The following SH3PXD2A variants were observed in gnomAD, a reference collection of about 807,000 sequenced individuals.
SH3PXD2A encodes the protein SH3 and PX domains 2A.
In SH3PXD2A, 32 loss-of-function variants were observed where a neutral mutation model predicts 115.2. That is an observed-to-expected ratio of 0.28 (90% CI 0.21 to 0.37). The LOEUF (loss-of-function observed/expected upper bound fraction) is 0.37, where lower values mean the gene tolerates loss of function less well. Ranked by LOEUF, SH3PXD2A falls within the 10% of genes least tolerant of loss-of-function variation. The pLI is 1.00. For synonymous variants in SH3PXD2A, 610 were observed against 629.1 expected (o/e 0.97, Z 0.45); for missense variants, 1,328 against 1,498.7 (o/e 0.89, Z 1.88).
At chr10:103,829,527 C>G (rs141012746) in intron 1 of SH3PXD2A, among the ~76,000 whole-genome samples, 4 of 152,118 alleles carry the variant, frequency 2.6e-5, no homozygotes, top group African/African-American at 4.8e-5. Context: ...AACATGTAAT[C>G]CTGTGTCAAC....
chr10:103,818,165 C>T (rs1421662893), intron 1 of SH3PXD2A, among the ~76,000 whole-genome samples: 1 of 152,232 alleles, frequency 6.6e-6, no homozygotes, highest in East Asian at 1.9e-4. Context: ...AACTCTATTT[C>T]TCCATCTTCT....
rs11812770 is a variant in SH3PXD2A at position 103,731,168 on chromosome 10, T to G, written c.306+4564A>C. 9.4e-3 allele frequency among the ~76,000 whole-genome samples: 1,426 copies of G among 151,280 alleles called. 24 individuals are homozygous for G. The highest frequency in any genetic ancestry group is 0.033 in the African/African-American group (1,364 of 41,316). ...CCTCTGAAGGAGTCCCGTTTTTGTT[T>G]TTTTTTTTTTGAAACAGGGTCTCAC... On this transcript the variant is annotated intron_variant, in intron 4 of 14. Transcript: ENST00000369774.
chr10:103,808,495 C>A (rs2039230686), intron 1 of SH3PXD2A, among the ~76,000 whole-genome samples: 1 of 152,080 alleles, frequency 6.6e-6, no homozygotes, highest in Non-Finnish European at 1.5e-5. Context: ...AAGTGATCCG[C>A]CCACCTCAGC....
At chr10:103,632,206 CAG>C (rs2036790921) in intron 8 of SH3PXD2A, among the ~76,000 whole-genome samples, 1 of 152,138 alleles carries the variant, frequency 6.6e-6, no homozygotes, top group African/African-American at 2.4e-5. Context: ...ACACCTCCCC[CAG>C]CACACTTCCT....
At chr10:103,658,049 T>C (rs1228863314) in intron 8 of SH3PXD2A, among the ~76,000 whole-genome samples, 3 of 152,264 alleles carry the variant, frequency 2.0e-5, no homozygotes, top group African/African-American at 4.8e-5. Context: ...AACTCCCTTC[T>C]ACTGCATGGT....
chr10:103,733,658 C>A (rs932642141), intron 4 of SH3PXD2A, among the ~76,000 whole-genome samples: 1 of 152,186 alleles, frequency 6.6e-6, no homozygotes, highest in Non-Finnish European at 1.5e-5. Context: ...TTCACAGTCA[C>A]GAAATTCAAA....
chr10:103,613,802 T>G lies in SH3PXD2A; in HGVS notation c.921-612A>C, dbSNP rs148924969. ...ACATGTTGAGATCAACTAAGCTGTCTCCAACATCTTAGCTGGAATGGCTCC... is the reference window on the plus strand; with the variant it reads ...ACATGTTGAGATCAACTAAGCTGTCGCCAACATCTTAGCTGGAATGGCTCC... On this transcript the variant is annotated intron_variant, in intron 11 of 14. Transcript: ENST00000369774. 2.3e-3 allele frequency among the ~76,000 whole-genome samples: 346 copies of G among 152,274 alleles called. 1 individual carries two copies. The highest frequency in any genetic ancestry group is 3.6e-3 in the Non-Finnish European group (248 of 68,014).
chr10:103,621,918 C>G (rs1040264948), intron 10 of SH3PXD2A, among the ~76,000 whole-genome samples: 1 of 152,234 alleles, frequency 6.6e-6, no homozygotes, highest in Non-Finnish European at 1.5e-5. Context: ...TGGGCTGCAC[C>G]CTGATGCCAG....
intron 7 of SH3PXD2A, chr10:103,661,766 T>C: frequency 1.0e-6 from 1 of 985,162 alleles, no homozygotes; most frequent in South Asian, 4.7e-5. Context: ...TGGGGTTTAC[T>C]CGCAACCCTT....
At chr10:103,802,529 C>A (rs1010639821) in intron 1 of SH3PXD2A, among the ~76,000 whole-genome samples, 1 of 152,216 alleles carries the variant, frequency 6.6e-6, no homozygotes, top group African/African-American at 2.4e-5. Flanking sequence ...AGAAAGCCCC[C>A]AGTCCACACA....
intron 9 of SH3PXD2A, among the ~76,000 whole-genome samples, chr10:103,624,952 G>C (rs2036668547): frequency 6.6e-6 from 1 of 152,198 alleles, no homozygotes; most frequent in African/African-American, 2.4e-5. Flanking sequence ...TTGGCACACA[G>C]GCCCTGTCAG....
intron 5 of SH3PXD2A, among the ~76,000 whole-genome samples, chr10:103,697,205 A>G (rs2037835637): frequency 6.6e-6 from 1 of 152,150 alleles, no homozygotes; most frequent in Non-Finnish European, 1.5e-5. Context: ...TATCTGTAGA[A>G]CGAGGACAAT....
chr10:103,678,803 C>A (rs1373020806), intron 6 of SH3PXD2A, among the ~76,000 whole-genome samples: 1 of 152,226 alleles, frequency 6.6e-6, no homozygotes, highest in East Asian at 1.9e-4. Context: ...TCATGGCCTC[C>A]TTTGTCTCCC....
chr10:103,819,262 C>T (rs1056055311), intron 1 of SH3PXD2A, among the ~76,000 whole-genome samples: 3 of 152,220 alleles, frequency 2.0e-5, no homozygotes, highest in African/African-American at 7.2e-5. Context: ...AAGAGCTGTG[C>T]CTGTTCCCAG....
intron 5 of SH3PXD2A, among the ~76,000 whole-genome samples, chr10:103,711,699 C>A (rs914941406): frequency 2.6e-5 from 4 of 152,172 alleles, no homozygotes; most frequent in African/African-American, 7.2e-5. Flanking sequence ...TCCCCTCACA[C>A]AGGAGCAGAG....
intron 8 of SH3PXD2A, among the ~76,000 whole-genome samples, chr10:103,651,177 T>C (rs1012291644): frequency 6.6e-6 from 1 of 151,938 alleles, no homozygotes; most frequent in African/African-American, 2.4e-5. Context: ...TAGGCTGGAG[T>C]GCTGACCAGC....
At chr10:103,692,924 A>ACC in intron 6 of SH3PXD2A, 104 bp downstream of exon 6, 1 of 942,708 alleles carries the variant, frequency 1.1e-6, no homozygotes. Flanking sequence ...GTGCAAGGAC[A>ACC]ACCCCCCCCT....
chr10:103,727,510 G>C (rs2038255230), intron 4 of SH3PXD2A, among the ~76,000 whole-genome samples: 1 of 152,132 alleles, frequency 6.6e-6, no homozygotes, highest in African/African-American at 2.4e-5. Flanking sequence ...GTCATTGCCG[G>C]GTGACCACCC....
chr10:103,647,552 G>T (rs560302992), intron 8 of SH3PXD2A, among the ~76,000 whole-genome samples: 1 of 152,224 alleles, frequency 6.6e-6, no homozygotes, highest in East Asian at 1.9e-4. Flanking sequence ...GTGTCTGGTT[G>T]TGCAGTCAGG....
Sources: gnomAD v4.1 joint callset for allele counts (sites outside exome capture counted in the v4.1 genomes callset) on GRCh38, gnomAD v4.1.1 for gene constraint, MANE v1.5 for transcripts, NCBI Gene and HGNC (gene_info 2026-07-23, HGNC 2026-07-21) for gene names.